Variants in PRKN observed in about 807,000 individuals in gnomAD.
The protein encoded by PRKN is E3 ubiquitin-protein ligase parkin.
In PRKN, 56 loss-of-function variants were observed where a neutral mutation model predicts 59.5. The ratio of observed to expected loss-of-function variants is 0.94; its 90% confidence interval spans 0.76 to 1.18. The LOEUF (loss-of-function observed/expected upper bound fraction) is 1.18, where lower values mean the gene tolerates loss of function less well. Among genes scored for constraint, PRKN ranks in the 50% most tolerant of loss-of-function variants. The pLI, the probability that PRKN is intolerant of heterozygous loss-of-function variation, is 0.00. For missense variants in PRKN, 657 were observed against 596.4 expected (o/e 1.10, Z -1.06); for synonymous variants, 250 against 222.1 (o/e 1.13, Z -1.12).
chr6:162,245,568 G>A (rs1286102803), intron 3 of PRKN, among the ~76,000 whole-genome samples: 1 of 151,950 alleles, frequency 6.6e-6, no homozygotes, highest in Non-Finnish European at 1.5e-5. Flanking sequence ...ATAATTTAAT[G>A]GTTTTAGAGG....
rs1790252479 is a variant in PRKN, at chr6:161,462,151, C to T, written c.1084-75274G>A. 6.6e-6 allele frequency among the ~76,000 whole-genome samples: 1 copy of T among 152,346 alleles called. No homozygotes were observed. Among genetic ancestry groups the T allele is most frequent in the African/African-American group, 2.4e-5 (1 of 41,588 alleles). On this transcript the variant is annotated intron_variant, in intron 9 of 11. Coordinates refer to ENST00000366898, the MANE Select transcript of PRKN (RefSeq NM_004562.3). The surrounding 1 kb of genome is among the most constrained non-coding windows in gnomAD (Gnocchi z 4.5). ...CGGTAGGGACCTACACATGCTTTGT[C>T]TCATCCTTTTCATCTTTGCACAATA...
intron 2 of PRKN, chr6:162,265,177 A>G (rs373287920): frequency 3.3e-5 from 5 of 152,146 alleles, no homozygotes; most frequent in African/African-American, 1.2e-4. Flanking sequence ...CATGATCTAG[A>G]TTTGATTTTT....
At chr6:162,152,015 A>G (rs568269552) in intron 4 of PRKN, among the ~76,000 whole-genome samples, 1 of 152,334 alleles carries the variant, frequency 6.6e-6, no homozygotes, top group South Asian at 2.1e-4. Flanking sequence ...AATCCATTAC[A>G]AACAACAGAT....
At chr6:161,570,977 AG>A (rs1780865751) in intron 7 of PRKN, among the ~76,000 whole-genome samples, 1 of 152,196 alleles carries the variant, frequency 6.6e-6, no homozygotes, top group Non-Finnish European at 1.5e-5. Context: ...GTCTAACTCC[AG>A]GCTGGGGTGC....
chr6:162,638,437 A>G (rs1385644214), intron 1 of PRKN, among the ~76,000 whole-genome samples: 1 of 152,184 alleles, frequency 6.6e-6, no homozygotes, highest in Non-Finnish European at 1.5e-5. Context: ...TTACGAGACA[A>G]GAACACAAAG....
intron 3 of PRKN, among the ~76,000 whole-genome samples, chr6:162,209,694 C>A (rs1349671605): frequency 6.6e-6 from 1 of 152,178 alleles, no homozygotes; most frequent in Non-Finnish European, 1.5e-5. Flanking sequence ...CTAGCAAAGA[C>A]TTGGAACCAA....
At chr6:161,969,286 T>TTA (rs1780709290) in intron 6 of PRKN, among the ~76,000 whole-genome samples, 1 of 148,738 alleles carries the variant, frequency 6.7e-6, no homozygotes, top group Non-Finnish European at 1.5e-5. Context: ...TTTTTTTTTT[T>TTA]AACTGTGAGT....
At chr6:162,589,883 G>T (rs1383893153) in intron 1 of PRKN, among the ~76,000 whole-genome samples, 2 of 152,072 alleles carry the variant, frequency 1.3e-5, no homozygotes, top group Non-Finnish European at 2.9e-5. Context: ...CTTGACATTT[G>T]TATCTCCAAC....
At chr6:161,730,386 G>C (rs1190209140) in intron 7 of PRKN, among the ~76,000 whole-genome samples, 1 of 149,762 alleles carries the variant, frequency 6.7e-6, no homozygotes, top group Non-Finnish European at 1.5e-5. Flanking sequence ...CATTCTTTCA[G>C]ATATGTTGCA....
At chr6:162,420,682 A>C (rs1406541097) in intron 2 of PRKN, among the ~76,000 whole-genome samples, 1 of 152,228 alleles carries the variant, frequency 6.6e-6, no homozygotes, top group East Asian at 1.9e-4. Context: ...CATTAAATTA[A>C]AATTCAGGGA....
intron 7 of PRKN, among the ~76,000 whole-genome samples, chr6:161,629,130 G>C (rs1038705598): frequency 6.6e-6 from 1 of 152,100 alleles, no homozygotes. Context: ...GGTGGGGAAG[G>C]CAGGCTAGGG....
chr6:162,458,426 CAAA>C lies in PRKN; in HGVS notation c.8-14956_8-14954del, dbSNP rs376379369. Among the ~76,000 whole-genome samples, 52 of 116,994 alleles carry C rather than the reference CAAA, an allele frequency of 4.4e-4. No homozygotes were observed. In the Middle Eastern group the frequency reaches 0.014, roughly 30 times the overall value. The allele number at this position is 116,994 out of a possible 152,430, so 76.8% of individuals were successfully genotyped here. On this transcript the variant is annotated intron_variant, in intron 1 of 11. Coordinates refer to ENST00000366898, the MANE Select transcript of PRKN (RefSeq NM_004562.3). ...GGGTGATAAGAGCGAGACTCCATCT[CAAA>C]AAAAAAAAAAAAAAATTTTTTTTAA...
At chr6:161,847,620 C>T (rs1200298378) in intron 6 of PRKN, among the ~76,000 whole-genome samples, 1 of 150,970 alleles carries the variant, frequency 6.6e-6, no homozygotes, top group Non-Finnish European at 1.5e-5. Flanking sequence ...TTGTTTCCCA[C>T]TTAGTACCTT....
At chr6:162,386,486 C>A (rs910392679) in intron 2 of PRKN, among the ~76,000 whole-genome samples, 1 of 152,194 alleles carries the variant, frequency 6.6e-6, no homozygotes, top group Non-Finnish European at 1.5e-5. Context: ...AAAGTCCACT[C>A]GTACTTGTCA....
rs189414640 is a variant in PRKN, at chr6:161,978,797, A to G, written c.619-5380T>C. Among the ~76,000 whole-genome samples the G allele has an allele frequency of 2.8e-4, 42 of 152,288 alleles. No homozygotes were observed. In the East Asian group the frequency reaches 7.5e-3, roughly 27 times the overall value. On this transcript the variant is annotated intron_variant, in intron 5 of 11. Coordinates refer to ENST00000366898, the MANE Select transcript of PRKN (RefSeq NM_004562.3). ...CTGAGGCAAGGCTGCTCAAGGTGGC[A>G]TTGTTTGAGTTCTAGCGTGTGCAGG...
At chr6:161,866,884 T>G (rs1396404669) in intron 6 of PRKN, among the ~76,000 whole-genome samples, 2 of 152,128 alleles carry the variant, frequency 1.3e-5, no homozygotes, top group African/African-American at 2.4e-5. Context: ...CAGTTTGTTT[T>G]CTCTCTAGAG....
At chr6:162,562,303 T>C (rs1562387752) in intron 1 of PRKN, among the ~76,000 whole-genome samples, 1 of 152,134 alleles carries the variant, frequency 6.6e-6, no homozygotes, top group Non-Finnish European at 1.5e-5. Context: ...AATATCCAGG[T>C]ACCACGTCGA....
chr6:161,661,660 G>A (rs1428380908), intron 7 of PRKN, among the ~76,000 whole-genome samples: 2 of 152,024 alleles, frequency 1.3e-5, no homozygotes, highest in Non-Finnish European at 2.9e-5. Context: ...AGGCAGAGGT[G>A]TTGTACTGTA....
At chr6:162,321,212 TACC>T (rs762314923) in intron 2 of PRKN, among the ~76,000 whole-genome samples, 1 of 151,892 alleles carries the variant, frequency 6.6e-6, no homozygotes, top group Non-Finnish European at 1.5e-5. Flanking sequence ...ATTGTAGAGA[TACC>T]ACAAGGATAA....
Sources: allele counts gnomAD v4.1 joint callset (sites outside exome capture counted in the v4.1 genomes callset), GRCh38; gene constraint gnomAD v4.1.1; non-coding constraint Gnocchi (gnomAD v3.1); transcripts MANE v1.5; gene names NCBI Gene and HGNC (gene_info 2026-07-23, HGNC 2026-07-21).